HOMEZ: variants seen among roughly 807,000 people sequenced by gnomAD.
The protein encoded by HOMEZ is homeobox and leucine zipper protein Homez.
In HOMEZ, 20 loss-of-function variants were observed where a neutral mutation model predicts 50.1. The ratio of observed to expected loss-of-function variants is 0.40; its 90% confidence interval spans 0.28 to 0.58. The LOEUF (loss-of-function observed/expected upper bound fraction) is 0.58. Among genes scored for constraint, HOMEZ ranks in the 20% least tolerant of loss-of-function variants. The pLI, the probability that HOMEZ is intolerant of heterozygous loss-of-function variation, is 0.46. For missense variants in HOMEZ, 579 were observed against 680.5 expected (o/e 0.85, Z 1.66); for synonymous variants, 239 against 254.7 (o/e 0.94, Z 0.59).
rs1886208613 is a variant in HOMEZ at position 23,272,809 on chromosome 14, G to A, written c.*2766C>T. On this transcript the variant is annotated 3_prime_UTR_variant, in exon 2 of 2. Coordinates refer to ENST00000357460, the MANE Select transcript of HOMEZ (RefSeq NM_020834.3). ...TATAAACACCCACATCTACCTTCTT[G>A]TCCTCTGCTGCAGACTCTCTACCAA... 6.5e-7 allele frequency: 1 copy of A among 1,540,728 alleles called. No homozygotes were observed. Among genetic ancestry groups the A allele is most frequent in the South Asian group, 1.2e-5 (1 of 83,842 alleles).
In HOMEZ at chr14:23,272,870, A is replaced by C. The variant is rs1886216943; in HGVS notation, c.*2705T>G. 1 of 1,545,236 alleles carries C rather than the reference A, an allele frequency of 6.5e-7. No individual in the cohort carries two copies. Among genetic ancestry groups the C allele is most frequent in the Non-Finnish European group, 8.7e-7 (1 of 1,142,936 alleles). Reference sequence around the variant, plus strand: ...ATATGGGATTACCCAGTGGGAGAGAAGCATGGACCACTTCTAGATAGATCA... The same window carrying C: ...ATATGGGATTACCCAGTGGGAGAGACGCATGGACCACTTCTAGATAGATCA... On this transcript the variant is annotated 3_prime_UTR_variant, in exon 2 of 2. Transcript: ENST00000357460.
Position 23,277,061 on chromosome 14 carries a change from G to A in HOMEZ, c.167C>T (p.Thr56Met), listed in dbSNP as rs761393545. The A allele has an allele frequency of 3.4e-5, 55 of 1,613,882 alleles. No homozygotes were observed. Among genetic ancestry groups the A allele is most frequent in the Non-Finnish European group, 4.2e-5 (49 of 1,179,904 alleles). The part of the protein sequence containing the change: ...PISEELQLVW[T>M]QAAQTSELDS... ...TAGCTCACTGGTCTGGGCTGCTTGC[G>A]TCCACACAAGCTGTAGCTCCTCAGA... Residue 56 changes from threonine (T) to methionine (M), a missense_variant, in exon 2 of 2, where the codon ACG becomes ATG. By Grantham distance (81) the Thr-to-Met change is moderately conservative. Transcript: ENST00000357460.
At chr14:23,280,937 C>CT (rs1013993247) in intron 1 of HOMEZ, among the ~76,000 whole-genome samples, 1 of 150,968 alleles carries the variant, frequency 6.6e-6, no homozygotes, top group Non-Finnish European at 1.5e-5. Context: ...CCACACCTGG[C>CT]TTTTTTGTAT....
rs913608315 is a variant in HOMEZ, at chr14:23,279,290, G to A, written c.41-2103C>T. 5.3e-5 allele frequency among the ~76,000 whole-genome samples: 8 copies of A among 151,940 alleles called. No homozygotes were observed. The East Asian group carries it at 1.2e-3, about 22-fold the overall frequency. ...GCAATTTACTTCTATAGAAGGGTGC[G>A]CCCTCATAGATGGAGCAGTGGTGAG... On this transcript the variant is annotated intron_variant, in intron 1 of 1. Coordinates refer to ENST00000357460, the MANE Select transcript of HOMEZ (RefSeq NM_020834.3).
chr14:23,280,727 T>TTTATTTTATTTTATG (rs1886509799), intron 1 of HOMEZ, among the ~76,000 whole-genome samples: 1 of 67,504 alleles, frequency 1.5e-5, no homozygotes, highest in South Asian at 5.6e-4. Context: ...TTTATTTTAT[T>TTTATTTTATTTTATG]TTATTTTATT....
At chr14:23,284,148 A>C (rs1030888224) in intron 1 of HOMEZ, among the ~76,000 whole-genome samples, 1 of 152,234 alleles carries the variant, frequency 6.6e-6, no homozygotes, top group Admixed American at 6.5e-5. Context: ...ATTCACACTT[A>C]CACAATAAAC....
In HOMEZ at chr14:23,276,855, G is replaced by T; in HGVS notation, c.373C>A (p.Arg125=). ...SSEEIEETRA[R]VVYRRDQLHF... ...AGTTGGTCCCGACGGTAGACTACTC[G>T]GGCTCGAGTCTCTTCTATTTCTTCA... The change falls in exon 2 of 2, where the codon CGA becomes AGA. Residue 125 remains arginine (R), a synonymous_variant. Coordinates refer to ENST00000357460, the MANE Select transcript of HOMEZ (RefSeq NM_020834.3). The surrounding 1 kb of genome is among the most constrained non-coding windows in gnomAD (Gnocchi z 4.1). 6.2e-7 allele frequency: 1 copy of T among 1,614,022 alleles called. No individual in the cohort carries two copies. Among genetic ancestry groups the T allele is most frequent in the Non-Finnish European group, 8.5e-7 (1 of 1,179,892 alleles).
chr14:23,275,859 G>C lies in HOMEZ; in HGVS notation c.1369C>G (p.Pro457Ala). The change falls in exon 2 of 2, where the codon CCT becomes GCT. Residue 457 changes from proline to alanine, a missense_variant. Physicochemically the swap from Pro to Ala is conservative, Grantham distance 27. Transcript: ENST00000357460. The stretch of plus-strand genomic sequence containing the variant: ...GGTTGTATATCCGGTGGGGGTGGAG[G>C]GATCGGCAGAGGTGGTGTCTCAGCC... ...ERAETPPLPI[P>A]PPPPDIQPLE... 6.3e-7 allele frequency: 1 copy of C among 1,597,446 alleles called. No homozygotes were observed. Among genetic ancestry groups the C allele is most frequent in the Middle Eastern group, 1.7e-4 (1 of 5,966 alleles).
In HOMEZ at chr14:23,275,318, TC is replaced by T. The variant is rs1295119157; in HGVS notation, c.*256del. On this transcript the variant is annotated 3_prime_UTR_variant, in exon 2 of 2. Transcript: ENST00000357460. ...AAGAGCAGCTTCCCAGCCCATGGTTTCCCCAGATCCTTAGCACTCCCTACCC... is the reference window on the plus strand; with the variant it reads ...AAGAGCAGCTTCCCAGCCCATGGTTTCCCAGATCCTTAGCACTCCCTACCC... The T allele has an allele frequency of 2.1e-5, 10 of 480,582 alleles. No individual in the cohort carries two copies. Among genetic ancestry groups the T allele is most frequent in the Non-Finnish European group, 3.6e-5 (10 of 275,292 alleles). 29.8% of individuals were successfully genotyped at this position (480,582 alleles called of 1,614,324 possible).
intron 1 of HOMEZ, among the ~76,000 whole-genome samples, chr14:23,283,138 GGTA>G (rs2140509256): frequency 6.6e-6 from 1 of 152,338 alleles, no homozygotes; most frequent in African/African-American, 2.4e-5. Context: ...GCGCAGAGGA[GGTA>G]GTGGTGGTGG....
intron 1 of HOMEZ, among the ~76,000 whole-genome samples, chr14:23,280,709 A>ATTTTATTTTTGTATATTTTATTTTATT: frequency 2.0e-5 from 1 of 49,800 alleles, no homozygotes; most frequent in Non-Finnish European, 4.9e-5. Context: ...TTATATTTTT[A>ATTTTATTTTTGTATATTTTATTTTATT]TTTTTATTTT....
chr14:23,276,449 C>T lies in HOMEZ; in HGVS notation c.779G>A (p.Arg260Gln), dbSNP rs754351710. ...TAATGCAATTGGTGGGGGTTTATCC[C>T]GAGCTTGTGGCTGGGGGACGGTTGT... ...HSTTVPQPQA[R>Q]DKPPPIALIA... Residue 260 changes from arginine to glutamine, a missense_variant, in exon 2 of 2, where the codon CGG becomes CAG. Arg to Gln is a conservative substitution (Grantham distance 43). Coordinates refer to ENST00000357460, the MANE Select transcript of HOMEZ (RefSeq NM_020834.3). The surrounding 1 kb of genome is among the most constrained non-coding windows in gnomAD (Gnocchi z 4.1). The T allele has an allele frequency of 1.8e-5, 29 of 1,613,930 alleles. 1 individual carries two copies. Among genetic ancestry groups the T allele is most frequent in the South Asian group, 1.3e-4 (12 of 91,090 alleles).
chr14:23,278,348 T>TTG (rs540667030), intron 1 of HOMEZ, among the ~76,000 whole-genome samples: 2 of 151,696 alleles, frequency 1.3e-5, no homozygotes, highest in African/African-American at 2.4e-5. Flanking sequence ...TTCAACTGGT[T>TTG]TGTGTGTGTG....
At chr14:23,281,366 T>C (rs1297406855) in intron 1 of HOMEZ, among the ~76,000 whole-genome samples, 2 of 152,150 alleles carry the variant, frequency 1.3e-5, no homozygotes, top group Non-Finnish European at 2.9e-5. Flanking sequence ...GGTAGAAATA[T>C]GAATTCTTCA....
At chr14:23,284,547 A>G (rs1886621320) in intron 1 of HOMEZ, among the ~76,000 whole-genome samples, 1 of 152,230 alleles carries the variant, frequency 6.6e-6, no homozygotes, top group Non-Finnish European at 1.5e-5. Context: ...GCTTATGTCC[A>G]TATTTTTCAG....
chr14:23,277,187 G>C lies in HOMEZ; in HGVS notation c.41C>G (p.Ala14Gly), dbSNP rs757521216. Residue 14 changes from alanine (A) to glycine (G), a missense_variant and splice_region_variant, in exon 2 of 2, where the codon GCT becomes GGT. Ala to Gly is a moderately conservative substitution (Grantham distance 60). Transcript: ENST00000357460. ...TTCTGATTTGTGCCCTTCAGAGATA[G>C]CTGCAATAAGAAGACAAACAGCTCA... is the stretch of plus-strand genomic sequence containing the variant. The part of the protein sequence containing the change: ...GWEPPPGLDC[A>G]ISEGHKSEGT... 6.5e-7 allele frequency: 1 copy of C among 1,547,220 alleles called. No homozygotes were observed. Among genetic ancestry groups the C allele is most frequent in the South Asian group, 1.2e-5 (1 of 83,838 alleles).
intron 1 of HOMEZ, chr14:23,285,264 A>AG (rs1457139339): frequency 4.6e-5 from 7 of 152,130 alleles, no homozygotes; most frequent in Non-Finnish European, 7.4e-5. Flanking sequence ...AAAAAAAAAA[A>AG]AAATCTCCTG....
Position 23,275,814 on chromosome 14 carries a change from C to A in HOMEZ, c.1414G>T (p.Ala472Ser). Residue 472 changes from alanine to serine, a missense_variant, in exon 2 of 2, where the codon GCC (alanine) becomes TCC (serine). Transcript: ENST00000357460. ...DIQPLERYWAAHQQLRETDIP... is the reference protein window; with the variant it reads ...DIQPLERYWASHQQLRETDIP... ...TCAGTTTCCCGTAGCTGTTGGTGGG[C>A]TGCCCAGTACCTCTCCAAGGGTTGT... 1.2e-6 allele frequency: 2 copies of A among 1,607,120 alleles called. No individual in the cohort carries two copies. Among genetic ancestry groups the A allele is most frequent in the Non-Finnish European group, 1.7e-6 (2 of 1,175,992 alleles).
At position 23,275,497 on chromosome 14, in the gene HOMEZ, AAT is replaced by A; in HGVS notation, c.*76_*77del. ...TTCTCTGCCACAAGGTAATTTTAAA[AAT>A]GTGGTTTCTTTGTTTAAACAGTTAC... On this transcript the variant is annotated 3_prime_UTR_variant, in exon 2 of 2. Transcript: ENST00000357460. 8 of 1,461,466 alleles carry A rather than the reference AAT, an allele frequency of 5.5e-6. No homozygotes were observed. The highest frequency in any genetic ancestry group is 7.2e-6 in the Non-Finnish European group (8 of 1,105,204). The allele number at this position is 1,461,466 out of a possible 1,614,324, so 90.5% of individuals were successfully genotyped here.
Sources: gnomAD v4.1 joint callset for allele counts (sites outside exome capture counted in the v4.1 genomes callset) on GRCh38, gnomAD v4.1.1 for gene constraint, Gnocchi (gnomAD v3.1) non-coding constraint, MANE v1.5 for transcripts, NCBI Gene and HGNC (gene_info 2026-07-23, HGNC 2026-07-21) for gene names.